OTOG: variants seen among roughly 807,000 people sequenced by gnomAD.
OTOG encodes otogelin.
Under a neutral mutation model 313.8 loss-of-function variants are expected in OTOG, and 296 were observed. That is an observed-to-expected ratio of 0.94 (90% CI 0.86 to 1.04). OTOG has a LOEUF of 1.04. Among genes scored for constraint, OTOG ranks in the 50% least tolerant of loss-of-function variants. The probability of loss-of-function intolerance (pLI) is 0.00; values close to 1 mark genes in which losing one functional copy is unlikely to be tolerated. For synonymous variants in OTOG, 1,533 were observed against 1,554.9 expected (o/e 0.99, Z 0.33); for missense variants, 3,948 against 3,840.1 (o/e 1.03, Z -0.74).
chr11:17,561,252 T>C, intron 14 of OTOG, 115 bp downstream of exon 14: 5 of 1,214,144 alleles, frequency 4.1e-6, no homozygotes, highest in Non-Finnish European at 5.9e-6. Flanking sequence ...TCAGTTCCAT[T>C]GGCTACGCCC....
At position 17,569,261 on chromosome 11, in the gene OTOG, T is replaced by C. The variant is rs557473818; in HGVS notation, c.1750T>C (p.Tyr584His). 8.4e-6 allele frequency: 13 copies of C among 1,550,552 alleles called. No individual in the cohort carries two copies. In the South Asian group the frequency reaches 1.5e-4, roughly 18 times the overall value. Reference sequence around the variant, plus strand: ...AGGGGATGTCCTTCTGTTTGACCAGTACAAGATCATCCCGCCATACACAGA... The same window carrying C: ...AGGGGATGTCCTTCTGTTTGACCAGCACAAGATCATCCCGCCATACACAGA... ...QAGDVLLFDQ[Y>H]KIIPPYTDDA... Residue 584 changes from tyrosine (Y) to histidine (H), a missense_variant, in exon 16 of 56, where the codon TAC becomes CAC. Transcript: ENST00000399397.
At chr11:17,613,327 C>CCTT (rs1207890002) in intron 38 of OTOG, among the ~76,000 whole-genome samples, 4 of 102,390 alleles carry the variant, frequency 3.9e-5, no homozygotes, top group African/African-American at 1.5e-4. Flanking sequence ...CTCTGCCCTG[C>CCTT]CCTTCCTTCC....
In OTOG at chr11:17,591,478, A is replaced by C; in HGVS notation, c.2896A>C (p.Thr966Pro). The C allele has an allele frequency of 1.3e-6, 2 of 1,550,546 alleles. No individual in the cohort carries two copies. The highest frequency in any genetic ancestry group is 1.7e-6 in the Non-Finnish European group (2 of 1,146,992). The part of the protein sequence containing the change: ...CVCQRGSFQC[T>P]LHPCASTCTA... ...GTGCCAGCGGGGCTCATTCCAGTGC[A>C]CCCTGCACCCTTGCGCCTCCACCTG... The change falls in exon 25 of 56, where the codon ACC becomes CCC. Residue 966 changes from threonine to proline, a missense_variant. Transcript: ENST00000399397.
intron 22 of OTOG, among the ~76,000 whole-genome samples, chr11:17,577,239 G>T (rs1028520871): frequency 1.3e-5 from 2 of 152,238 alleles, no homozygotes; most frequent in South Asian, 2.1e-4. Context: ...GATGTTTTCT[G>T]TCTGAGCTGT....
At chr11:17,645,159 C>G (rs1848048066) in intron 54 of OTOG, among the ~76,000 whole-genome samples, 1 of 152,238 alleles carries the variant, frequency 6.6e-6, no homozygotes, top group Admixed American at 6.5e-5. Context: ...ATTGCATAAT[C>G]TTAATGCTAG....
rs1301103216 is a variant in OTOG, at chr11:17,552,010, C to T, written c.227C>T (p.Ala76Val). 5.8e-6 allele frequency: 9 copies of T among 1,550,442 alleles called. No homozygotes were observed. In the East Asian group the frequency reaches 2.0e-4, roughly 34 times the overall value. The stretch of plus-strand genomic sequence containing the variant: ...TCCTGTCTTCACAAGCAGGCTGAAG[C>T]CCCAGACTCCGTGGCCATGTCTTCC... Reference protein sequence around the residue: ...ATVVGGQQAEAPDSVAMSSWE... With the variant: ...ATVVGGQQAEVPDSVAMSSWE... The change falls in exon 4 of 56, where the codon GCC (alanine) becomes GTC (valine). Residue 76 changes from alanine (A) to valine (V), a missense_variant. Coordinates refer to ENST00000399397, the MANE Select transcript of OTOG (RefSeq NM_001292063.2).
chr11:17,595,942 C>A, intron 28 of OTOG, 96 bp from the exon 29 acceptor site: 1 of 810,508 alleles, frequency 1.2e-6, no homozygotes, highest in Non-Finnish European at 2.1e-6. Flanking sequence ...TATCAGGGGG[C>A]AAGGATCATG....
chr11:17,577,266 C>T (rs143018685), intron 22 of OTOG, among the ~76,000 whole-genome samples: 32 of 152,308 alleles, frequency 2.1e-4, no homozygotes, highest in Non-Finnish European at 4.3e-4. Context: ...TCTACTGAGG[C>T]GGACTCTGCC....
rs1199758141 is a variant in OTOG, at chr11:17,642,119, C to A, written c.8296-8C>A. 6.5e-7 allele frequency: 1 copy of A among 1,537,972 alleles called. No individual in the cohort carries two copies. ...ACAGCTCCCATTACCTACTTCTGTG[C>A]CCTCCAGCCCGGGGCATCCTGGATC... On this transcript the variant is annotated splice_region_variant and splice_polypyrimidine_tract_variant and intron_variant, in intron 52 of 55. Coordinates refer to ENST00000399397, the MANE Select transcript of OTOG (RefSeq NM_001292063.2).
chr11:17,644,128 G>A (rs578025405), intron 54 of OTOG, among the ~76,000 whole-genome samples: 1 of 152,388 alleles, frequency 6.6e-6, no homozygotes. Context: ...GGCCTGCAGT[G>A]CATGCTGGGT....
At chr11:17,608,936 C>A (rs1853456560) in intron 34 of OTOG, among the ~76,000 whole-genome samples, 194 bp from the exon 35 acceptor site, 1 of 152,134 alleles carries the variant, frequency 6.6e-6, no homozygotes, top group South Asian at 2.1e-4. Context: ...GTGCCGCATA[C>A]ACATTGGGTG....
intron 39 of OTOG, among the ~76,000 whole-genome samples, chr11:17,618,561 G>A (rs1169999525): frequency 1.3e-5 from 2 of 152,146 alleles, no homozygotes; most frequent in African/African-American, 2.4e-5. Flanking sequence ...ATGTTAATTA[G>A]GTCAAATTGG....
At position 17,559,563 on chromosome 11, in the gene OTOG, T is replaced by C. The variant is rs1852132533; in HGVS notation, c.1243T>C (p.Tyr415His). The C allele has an allele frequency of 1.4e-5, 22 of 1,550,726 alleles. No individual in the cohort carries two copies. The highest frequency in any genetic ancestry group is 1.9e-5 in the Non-Finnish European group (22 of 1,147,030). Reference protein sequence around the residue: ...TVHCKEKAFTYNECIACCPAS... With the variant: ...TVHCKEKAFTHNECIACCPAS... Reference sequence around the variant, plus strand: ...GCACTGCAAGGAGAAGGCCTTTACCTACAATGAGTGCATCGCCTGCTGCCC... The same window carrying C: ...GCACTGCAAGGAGAAGGCCTTTACCCACAATGAGTGCATCGCCTGCTGCCC... Residue 415 changes from tyrosine (Y) to histidine (H), a missense_variant, in exon 12 of 56, where the codon TAC (tyrosine) becomes CAC (histidine). Transcript: ENST00000399397.
At position 17,573,088 on chromosome 11, in the gene OTOG, A is replaced by G; in HGVS notation, c.2091A>G (p.Ser697=). The part of the protein sequence containing the change: ...CDVHLQAASY[S]VQACSVLTGE... ...TTCTTCCTTCCCCAGCCTCCTACTC[A>G]GTGCAGGCCTGCAGCGTGCTCACGG... The change falls in exon 19 of 56, where the codon TCA becomes TCG. Residue 697 remains serine (S), a synonymous_variant. Transcript: ENST00000399397. The G allele has an allele frequency of 6.5e-7, 1 of 1,546,978 alleles. No individual in the cohort carries two copies. The highest frequency in any genetic ancestry group is 1.4e-5 in the African/African-American group (1 of 73,112).
At chr11:17,629,797 A>G (rs1339175918) in intron 40 of OTOG, among the ~76,000 whole-genome samples, 1 of 152,210 alleles carries the variant, frequency 6.6e-6, no homozygotes, top group Non-Finnish European at 1.5e-5. Context: ...TCTTCAGACC[A>G]TAGCACAATT....
In OTOG at chr11:17,632,195, G is replaced by C; in HGVS notation, c.7041G>C (p.Val2347=). ...VYVAMCHKFH[V]CIEWRRSDYC... ...TGGCCATGTGCCACAAATTTCATGT[G>C]TGCATCGAGTGGCGGCGCTCTGACT... Residue 2347 remains valine, a synonymous_variant, in exon 42 of 56, where the codon GTG becomes GTC. Coordinates refer to ENST00000399397, the MANE Select transcript of OTOG (RefSeq NM_001292063.2). The C allele has an allele frequency of 4.5e-6, 7 of 1,551,024 alleles. No individual in the cohort carries two copies. The highest frequency in any genetic ancestry group is 4.4e-6 in the Non-Finnish European group (5 of 1,146,952).
chr11:17,582,396 T>C (rs954180539), intron 23 of OTOG, among the ~76,000 whole-genome samples: 3 of 152,224 alleles, frequency 2.0e-5, no homozygotes, highest in Admixed American at 2.0e-4. Flanking sequence ...AGAAAACAGT[T>C]ATTTATCTGC....
intron 23 of OTOG, among the ~76,000 whole-genome samples, chr11:17,580,927 C>G (rs886941565): frequency 2.0e-5 from 3 of 151,998 alleles, no homozygotes; most frequent in Non-Finnish European, 2.9e-5. Context: ...CTGCTTCCTC[C>G]CACAACCACA....
At chr11:17,591,173 G>A (rs560433088) in intron 24 of OTOG, among the ~76,000 whole-genome samples, 1 of 152,330 alleles carries the variant, frequency 6.6e-6, no homozygotes, top group South Asian at 2.1e-4. Flanking sequence ...TGAATGAATG[G>A]AGTGGTAAAG....
Sources: allele counts gnomAD v4.1 joint callset (sites outside exome capture counted in the v4.1 genomes callset), GRCh38; gene constraint gnomAD v4.1.1; transcripts MANE v1.5; gene names NCBI Gene and HGNC (gene_info 2026-07-23, HGNC 2026-07-21).